SRCAP: variants seen among roughly 807,000 people sequenced by gnomAD.
The protein encoded by SRCAP is Snf2 related CREBBP activator protein, also known as chromatin remodeling protein SRCAP.
Under a neutral mutation model 263.1 loss-of-function variants are expected in SRCAP, and 46 were observed. That is an observed-to-expected ratio of 0.17 (90% CI 0.14 to 0.22). The LOEUF (loss-of-function observed/expected upper bound fraction) is 0.22, where lower values mean the gene tolerates loss of function less well. SRCAP is among the 10% of genes least tolerant of loss of function. SRCAP has a pLI of 1.00. For missense variants in SRCAP, 3,695 were observed against 4,181.9 expected (o/e 0.88, Z 3.21); for synonymous variants, 1,813 against 1,662.1 (o/e 1.09, Z -2.21).
chr16:30,711,450 C>T, intron 10 of SRCAP, 121 bp from the exon 11 acceptor site: 7 of 1,026,516 alleles, frequency 6.8e-6, no homozygotes, highest in Non-Finnish European at 8.4e-6. Context: ...GCTCTTTTGC[C>T]TCCCCTCAGA....
In SRCAP at chr16:30,724,592, C is replaced by T. The variant is rs1337977700; in HGVS notation, c.5168C>T (p.Ser1723Phe). ...TQTLSLTPAS[S>F]LVPTPAQTLS... The stretch of plus-strand genomic sequence containing the variant: ...ACATTGTCATTAACTCCAGCATCAT[C>T]CCTGGTACCAACTCCAGCCCAGACA... The change falls in exon 25 of 34, where the codon TCC (serine) becomes TTC (phenylalanine). Residue 1723 changes from serine to phenylalanine, a missense_variant. Transcript: ENST00000262518. The T allele has an allele frequency of 3.1e-6, 5 of 1,614,100 alleles. No individual in the cohort carries two copies. The highest frequency in any genetic ancestry group is 1.3e-5 in the African/African-American group (1 of 74,934).
At position 30,713,273 on chromosome 16, in the gene SRCAP, C is replaced by T. The variant is rs766609456; in HGVS notation, c.2196C>T (p.His732=). 2 of 1,614,134 alleles carry T rather than the reference C, an allele frequency of 1.2e-6. No homozygotes were observed. The highest frequency in any genetic ancestry group is 1.3e-5 in the African/African-American group (1 of 75,032). ...ITSYKLVLQD[H]QAFRRKNWRY... The stretch of plus-strand genomic sequence containing the variant: ...CTTACAAGCTGGTGCTGCAGGACCA[C>T]CAGGCCTTCCGTCGCAAGAACTGGC... The change falls in exon 15 of 34, where the codon CAC becomes CAT. Residue 732 remains histidine, a synonymous_variant. Transcript: ENST00000262518.
chr16:30,723,151 G>C lies in SRCAP; in HGVS notation c.4081G>C (p.Ala1361Pro). The change falls in exon 24 of 34, where the codon GCT becomes CCT. Residue 1361 changes from alanine to proline, a missense_variant. Around this residue, in one of 12 missense-constraint regions of SRCAP, gnomAD observed 1,347 missense variants for 1,304.4 expected, o/e 1.03. Transcript: ENST00000262518. ...GRLPTPTLGTARAPMPTPTLV... is the reference protein window; with the variant it reads ...GRLPTPTLGTPRAPMPTPTLV... ...GCTACCCACACCTACTCTGGGTACTGCTCGAGCCCCCATGCCCACACCCAC... is the reference window on the plus strand; with the variant it reads ...GCTACCCACACCTACTCTGGGTACTCCTCGAGCCCCCATGCCCACACCCAC... The C allele has an allele frequency of 6.2e-7, 1 of 1,614,118 alleles. No homozygotes were observed. Among genetic ancestry groups the C allele is most frequent in the South Asian group, 1.1e-5 (1 of 91,082 alleles).
Position 30,725,057 on chromosome 16 carries a change from C to G in SRCAP, c.5633C>G (p.Pro1878Arg), listed in dbSNP as rs747709839. The change falls in exon 25 of 34, where the codon CCA becomes CGA. Residue 1878 changes from proline (P) to arginine (R), a missense_variant. Coordinates refer to ENST00000262518, the MANE Select transcript of SRCAP (RefSeq NM_006662.3). ...GGPRPRRQPP[P>R]PPRSPFYLDS... is the part of the protein sequence containing the mutation. ...CCCCGGCCTCGACGCCAGCCCCCCC[C>G]ACCACCTCGTTCCCCTTTTTATCTG... 4 of 1,612,308 alleles carry G rather than the reference C, an allele frequency of 2.5e-6. No individual in the cohort carries two copies. Among genetic ancestry groups the G allele is most frequent in the African/African-American group, 2.7e-5 (2 of 74,884 alleles).
chr16:30,734,400 G>T, intron 30 of SRCAP, 96 bp from the exon 31 acceptor site: 1 of 1,547,880 alleles, frequency 6.5e-7, no homozygotes, highest in Non-Finnish European at 8.8e-7. Flanking sequence ...TCAACCAGTG[G>T]TACCCCTGAC....
chr16:30,710,919 T>C, intron 9 of SRCAP, 72 bp downstream of exon 9: 1 of 1,599,402 alleles, frequency 6.3e-7, no homozygotes, highest in Non-Finnish European at 8.6e-7. Flanking sequence ...CCTTTCAGGC[T>C]TTCTCATCTG....
intron 10 of SRCAP, 49 bp downstream of exon 10, chr16:30,711,137 G>A (rs2052886804): frequency 1.4e-6 from 2 of 1,434,470 alleles, no homozygotes; most frequent in South Asian, 1.2e-5. Context: ...TGTCTGCGGT[G>A]TGCAGTACCA....
At chr16:30,704,708 A>T (rs2052807101) in intron 4 of SRCAP, among the ~76,000 whole-genome samples, 1 of 152,074 alleles carries the variant, frequency 6.6e-6, no homozygotes, top group South Asian at 2.1e-4. Flanking sequence ...GTATAGTCGC[A>T]CATGCCTGTA....
In SRCAP at chr16:30,738,908, T is replaced by C; in HGVS notation, c.8868T>C (p.Ser2956=). The C allele has an allele frequency of 1.2e-6, 2 of 1,614,160 alleles. No homozygotes were observed. The highest frequency in any genetic ancestry group is 1.7e-6 in the Non-Finnish European group (2 of 1,180,022). Reference sequence around the variant, plus strand: ...TGCCCATCCCTGGGACCATTTCCTCTGCAGGGGATGGCAACTCCGAAAGTC... The same window carrying C: ...TGCCCATCCCTGGGACCATTTCCTCCGCAGGGGATGGCAACTCCGAAAGTC... ...RDLPIPGTIS[S]AGDGNSESRT... The change falls in exon 34 of 34, where the codon TCT becomes TCC. Residue 2956 remains serine, a synonymous_variant. Coordinates refer to ENST00000262518, the MANE Select transcript of SRCAP (RefSeq NM_006662.3).
chr16:30,717,563 C>T (rs1185951560), intron 18 of SRCAP, among the ~76,000 whole-genome samples: 2 of 149,216 alleles, frequency 1.3e-5, no homozygotes, highest in African/African-American at 2.5e-5. Flanking sequence ...CCTCCCGCCT[C>T]AGCCTTCCAA....
intron 3 of SRCAP, among the ~76,000 whole-genome samples, chr16:30,702,100 C>T (rs1226903323): frequency 1.3e-5 from 2 of 150,392 alleles, no homozygotes; most frequent in African/African-American, 2.5e-5. Flanking sequence ...ACTACAGGTG[C>T]GCGCCACCAC....
chr16:30,699,178 C>T lies in SRCAP; in HGVS notation c.-348C>T, dbSNP rs1008911046. 2.0e-5 allele frequency: 8 copies of T among 398,572 alleles called. No individual in the cohort carries two copies. Among genetic ancestry groups the T allele is most frequent in the African/African-American group, 1.0e-4 (5 of 48,618 alleles). 24.7% of individuals were successfully genotyped at this position (398,572 alleles called of 1,614,324 possible). On this transcript the variant is annotated 5_prime_UTR_variant, in exon 1 of 34. Coordinates refer to ENST00000262518, the MANE Select transcript of SRCAP (RefSeq NM_006662.3). ...GGTCAGGGGTCACGCGAGGTCAGTC[C>T]GTCGGGAGGGCTAGGGAGATGGTCA...
At position 30,707,220 on chromosome 16, in the gene SRCAP, A is replaced by G. The variant is rs1279338797; in HGVS notation, c.344A>G (p.Lys115Arg). Residue 115 changes from lysine (K) to arginine (R), a missense_variant, in exon 5 of 34, where the codon AAG (lysine) becomes AGG (arginine). Coordinates refer to ENST00000262518, the MANE Select transcript of SRCAP (RefSeq NM_006662.3). Reference sequence around the variant, plus strand: ...GAGACTCGGATTGCTGAGCTGCGGAAGGAGGGTTTCTGGTCACTGAAGAGG... The same window carrying G: ...GAGACTCGGATTGCTGAGCTGCGGAGGGAGGGTTTCTGGTCACTGAAGAGG... ...EIETRIAELRKEGFWSLKRLP... is the reference protein window; with the variant it reads ...EIETRIAELRREGFWSLKRLP... The G allele has an allele frequency of 6.2e-7, 1 of 1,614,170 alleles. No homozygotes were observed. Among genetic ancestry groups the G allele is most frequent in the East Asian group, 2.2e-5 (1 of 44,882 alleles).
intron 27 of SRCAP, among the ~76,000 whole-genome samples, chr16:30,729,795 G>A (rs1173567146): frequency 6.6e-6 from 1 of 152,110 alleles, no homozygotes; most frequent in Non-Finnish European, 1.5e-5. Context: ...TTGAGACAAA[G>A]TCTCGCTCAG....
chr16:30,720,261 G>A lies in SRCAP; in HGVS notation c.2917G>A (p.Val973Ile). The A allele has an allele frequency of 1.9e-6, 3 of 1,614,204 alleles. 1 individual carries two copies. In the South Asian group the frequency reaches 3.3e-5, roughly 18 times the overall value. The change falls in exon 19 of 34, where the codon GTA (valine) becomes ATA (isoleucine). Residue 973 changes from valine to isoleucine, a missense_variant. Transcript: ENST00000262518. ...FLPRHRLSRRVLLEVATAPDP... is the reference protein window; with the variant it reads ...FLPRHRLSRRILLEVATAPDP... ...GCCCCGGCACCGCCTCTCTCGCCGGGTACTGTTAGAAGTGGCTACTGCTCC... is the reference window on the plus strand; with the variant it reads ...GCCCCGGCACCGCCTCTCTCGCCGGATACTGTTAGAAGTGGCTACTGCTCC...
chr16:30,734,746 A>G, intron 31 of SRCAP, 131 bp downstream of exon 31: 1 of 1,394,270 alleles, frequency 7.2e-7, no homozygotes, highest in South Asian at 1.4e-5. Flanking sequence ...TCAGCCTTTG[A>G]TAGTTGTAAG....
intron 30 of SRCAP, 125 bp from the exon 31 acceptor site, chr16:30,734,371 C>A: frequency 1.4e-6 from 2 of 1,397,734 alleles, no homozygotes; most frequent in South Asian, 1.4e-5. Context: ...ACTGCTTTGG[C>A]CTTCACAGAC....
At position 30,737,527 on chromosome 16, in the gene SRCAP, C is replaced by T; in HGVS notation, c.7487C>T (p.Ser2496Phe). 1 of 1,606,510 alleles carries T rather than the reference C, an allele frequency of 6.2e-7. No homozygotes were observed. Among genetic ancestry groups the T allele is most frequent in the South Asian group, 1.1e-5 (1 of 90,892 alleles). The part of the protein sequence containing the change: ...PPPSQIPPCS[S>F]PACTPPPACT... ...CCTTCACAGATTCCTCCTTGTTCTT[C>T]TCCTGCCTGCACCCCTCCTCCTGCC... The change falls in exon 34 of 34, where the codon TCT becomes TTT. Residue 2496 changes from serine (S) to phenylalanine (F), a missense_variant. Physicochemically the swap from Ser to Phe is radical, Grantham distance 155. This residue lies in a region of SRCAP where 1,207 missense variants were observed against 1,142.9 expected (regional missense o/e 1.06). Transcript: ENST00000262518.
rs747051921 is a variant in SRCAP at position 30,739,109 on chromosome 16, C to T, written c.9069C>T (p.Pro3023=). ...CATCACCTCGGCCCAGCCAGCTCCC[C>T]GTCTTGGACCGTGACAGCACTTCTG... ...NPPSPRPSQL[P]VLDRDSTSVL... Residue 3023 remains proline (P), a synonymous_variant, in exon 34 of 34, where the codon CCC becomes CCT. Transcript: ENST00000262518. 20 of 1,614,118 alleles carry T rather than the reference C, an allele frequency of 1.2e-5. No homozygotes were observed. The highest frequency in any genetic ancestry group is 4.5e-5 in the East Asian group (2 of 44,894).
Sources: gnomAD v4.1 joint callset for allele counts (sites outside exome capture counted in the v4.1 genomes callset) on GRCh38, gnomAD v4.1.1 for gene constraint, gnomAD v4.1.1 regional missense constraint, MANE v1.5 for transcripts, NCBI Gene and HGNC (gene_info 2026-07-23, HGNC 2026-07-21) for gene names.